GCH1: variants seen among roughly 807,000 people sequenced by gnomAD.
GCH1 encodes GTP cyclohydrolase 1, also known as GTP cyclohydrolase I.
A neutral mutation model predicts 25.9 loss-of-function variants in GCH1; 5 were observed. The ratio of observed to expected loss-of-function variants is 0.19; its 90% CI spans 0.10 to 0.41. The LOEUF (loss-of-function observed/expected upper bound fraction) is 0.41, where lower values mean the gene tolerates loss of function less well. Among genes scored for constraint, GCH1 ranks in the 10% least tolerant of loss-of-function variants. GCH1 has a pLI of 1.00. For synonymous variants in GCH1, 159 were observed against 129.6 expected (o/e 1.23, Z -1.54); for missense variants, 261 against 336.5 (o/e 0.78, Z 1.75).
intron 3 of GCH1, among the ~76,000 whole-genome samples, chr14:54,847,635 T>C (rs1238961592): frequency 6.6e-6 from 1 of 151,648 alleles, no homozygotes; most frequent in East Asian, 1.9e-4. Context: ...GACCCTGCGA[T>C]CATGTAAGTC....
chr14:54,877,575 C>T (rs1025962947), intron 1 of GCH1, among the ~76,000 whole-genome samples: 1 of 152,120 alleles, frequency 6.6e-6, no homozygotes, highest in Non-Finnish European at 1.5e-5. Context: ...CTCACTGCAA[C>T]CTCCACCTCC....
Position 54,886,484 on chromosome 14 carries a change from T to C in GCH1, c.343+15837A>G, listed in dbSNP as rs187033306. Among the ~76,000 whole-genome samples, 318 of 151,954 alleles carry C rather than the reference T, an allele frequency of 2.1e-3. 1 individual carries two copies. Among genetic ancestry groups the C allele is most frequent in the African/African-American group, 7.0e-3 (289 of 41,432 alleles). On this transcript the variant is annotated intron_variant, in intron 1 of 5. Coordinates refer to ENST00000491895, the MANE Select transcript of GCH1 (RefSeq NM_000161.3). ...AAAATTAGCCGGGCGCGGTGGTGGG[T>C]GCCTGTAGTCCCAGCTGCTCGGGGG...
Position 54,847,195 on chromosome 14 carries a change from T to C in GCH1, c.510-65A>G, listed in dbSNP as rs1555358614. On this transcript the variant is annotated intron_variant, in intron 3 of 5. Transcript: ENST00000491895. ...TTGAAGTAAAATTGATAAGCCTTCC[T>C]CATAAAACAAAAAGGACATTGTTGA... 1.2e-5 allele frequency: 8 copies of C among 671,174 alleles called. No homozygotes were observed. In the South Asian group the frequency reaches 1.3e-4, roughly 11 times the overall value. The allele number at this position is 671,174 out of a possible 1,614,324, so 41.6% of individuals were successfully genotyped here. A position where few individuals can be genotyped will look rare whatever the true frequency, so the allele number is the denominator to read the frequency against.
chr14:54,902,196 T>C (rs2040576487), intron 1 of GCH1, 125 bp downstream of exon 1: 1 of 1,069,400 alleles, frequency 9.4e-7, no homozygotes. Flanking sequence ...GGTTCGGAGG[T>C]GACAGCGCCC....
In GCH1 at chr14:54,898,134, CT is replaced by C. The variant is rs1344898624; in HGVS notation, c.343+4186del. On this transcript the variant is annotated intron_variant, in intron 1 of 5. Coordinates refer to ENST00000491895, the MANE Select transcript of GCH1 (RefSeq NM_000161.3). ...ATAGCTCATGCCTGTAATCCCAGCA[CT>C]TTGGGAGACCAAGAGGAGAGGATCA... 2.6e-5 allele frequency among the ~76,000 whole-genome samples: 4 copies of C among 152,176 alleles called. No homozygotes were observed. In the South Asian group the frequency reaches 8.3e-4, roughly 31 times the overall value.
intron 1 of GCH1, among the ~76,000 whole-genome samples, chr14:54,887,177 A>G (rs952384002): frequency 6.6e-6 from 1 of 152,236 alleles, no homozygotes; most frequent in African/African-American, 2.4e-5. Flanking sequence ...CAAACTAATA[A>G]AACATTTTTT....
At chr14:54,849,043 T>C (rs1233829955) in intron 3 of GCH1, among the ~76,000 whole-genome samples, 1 of 152,230 alleles carries the variant, frequency 6.6e-6, no homozygotes, top group African/African-American at 2.4e-5. Flanking sequence ...TGGACAATAG[T>C]GGTAACACTG....
rs533276731 is a variant in GCH1, at chr14:54,897,508, C to T, written c.343+4813G>A. 2.6e-4 allele frequency among the ~76,000 whole-genome samples: 40 copies of T among 152,002 alleles called. No individual in the cohort carries two copies. In the South Asian group the frequency reaches 7.7e-3, roughly 29 times the overall value. ...TTCTCCATGTTAGTCAGGTTGGTCT[C>T]GAACTCCCAACCTCAGGTGATCCAC... On this transcript the variant is annotated intron_variant, in intron 1 of 5. Coordinates refer to ENST00000491895, the MANE Select transcript of GCH1 (RefSeq NM_000161.3).
intron 1 of GCH1, among the ~76,000 whole-genome samples, chr14:54,891,298 G>T (rs1164037850): frequency 6.6e-6 from 1 of 151,090 alleles, no homozygotes; most frequent in Non-Finnish European, 1.5e-5. Context: ...AGAGATGGGG[G>T]TTTCACCATG....
At position 54,843,032 on chromosome 14, in the gene GCH1, G is replaced by T; in HGVS notation, c.*985C>A. ...GTTCATTCTGTGCTCGTTCAGGTGC[G>T]TGGAAGCTATGGTTCTGCAGACCTG... On this transcript the variant is annotated 3_prime_UTR_variant, in exon 6 of 6. Coordinates refer to ENST00000491895, the MANE Select transcript of GCH1 (RefSeq NM_000161.3). 2 of 888,400 alleles carry T rather than the reference G, an allele frequency of 2.3e-6. No homozygotes were observed. The highest frequency in any genetic ancestry group is 4.8e-5 in the East Asian group (2 of 41,666). 55.0% of individuals were successfully genotyped at this position (888,400 alleles called of 1,614,324 possible). A position where few individuals can be genotyped will look rare whatever the true frequency, so the allele number is the denominator to read the frequency against.
intron 1 of GCH1, among the ~76,000 whole-genome samples, chr14:54,882,208 G>A (rs577678311): frequency 7.9e-5 from 12 of 152,376 alleles, no homozygotes; most frequent in Middle Eastern, 3.4e-3. Flanking sequence ...AAAGAGTCCA[G>A]AGCTCAAGGG....
rs754924703 is a variant in GCH1 at position 54,902,314 on chromosome 14, C to A, written c.343+7G>T. ...CGCACGCTCTAGCAGCCCGCGGGCG[C>A]ACTGACCTGAGATGGTCTCCTGGTA... is the stretch of plus-strand genomic sequence containing the variant. On this transcript the variant is annotated splice_region_variant and intron_variant, in intron 1 of 5. Coordinates refer to ENST00000491895, the MANE Select transcript of GCH1 (RefSeq NM_000161.3). 3.1e-6 allele frequency: 5 copies of A among 1,611,658 alleles called. No homozygotes were observed. The highest frequency in any genetic ancestry group is 1.7e-5 in the Admixed American group (1 of 59,946).
rs1293151915 is a variant in GCH1, at chr14:54,902,672, C to T, written c.-9G>A. On this transcript the variant is annotated 5_prime_UTR_variant, in exon 1 of 6. Transcript: ENST00000491895. ...ACAGGGCCCTTCTCCATGGACCCGC[C>T]GCAGCCGCTGCCGTTCGGGAAGGAC... The T allele has an allele frequency of 3.5e-6, 5 of 1,442,330 alleles. No individual in the cohort carries two copies. The South Asian group carries it at 7.0e-5, about 20-fold the overall frequency. The allele number at this position is 1,442,330 out of a possible 1,614,324, so 89.3% of individuals were successfully genotyped here.
chr14:54,898,003 A>G (rs1253058917), intron 1 of GCH1, among the ~76,000 whole-genome samples: 1 of 152,230 alleles, frequency 6.6e-6, no homozygotes, highest in Non-Finnish European at 1.5e-5. Flanking sequence ...GGTAGAGCCT[A>G]TTATTCCTAG....
chr14:54,868,301 T>C (rs578046847), intron 1 of GCH1, among the ~76,000 whole-genome samples: 10 of 152,094 alleles, frequency 6.6e-5, no homozygotes, highest in African/African-American at 2.2e-4. Flanking sequence ...CCTATAGTCA[T>C]AGCTATTCAG....
chr14:54,902,587 T>A lies in GCH1; in HGVS notation c.77A>T (p.Asp26Val). The change falls in exon 1 of 6, where the codon GAT becomes GTT. Residue 26 changes from aspartate to valine, a missense_variant. Physicochemically the swap from Asp to Val is radical, Grantham distance 152. Around this residue, in one of 3 missense-constraint regions of GCH1, gnomAD observed 125 missense variants for 128.7 expected, o/e 0.97. Transcript: ENST00000491895. ...CCTGCTGGGCCCGGGCCGCGGCGGA[T>A]CCCGCTCGGGGAACCCATTGCTGCA... is the stretch of plus-strand genomic sequence containing the variant. ...ARCSNGFPER[D>V]PPRPGPSRPA... The A allele has an allele frequency of 6.7e-7, 1 of 1,495,702 alleles. No individual in the cohort carries two copies. The highest frequency in any genetic ancestry group is 2.8e-5 in the East Asian group (1 of 35,974). The allele number at this position is 1,495,702 out of a possible 1,614,324, so 92.7% of individuals were successfully genotyped here.
chr14:54,878,895 C>T (rs2040201768), intron 1 of GCH1, among the ~76,000 whole-genome samples: 1 of 152,138 alleles, frequency 6.6e-6, no homozygotes, highest in South Asian at 2.1e-4. Flanking sequence ...TCCCCAGTAG[C>T]TGGGACTAGA....
intron 2 of GCH1, among the ~76,000 whole-genome samples, chr14:54,863,236 C>T (rs111317596): frequency 1.3e-5 from 2 of 151,160 alleles, no homozygotes; most frequent in African/African-American, 2.4e-5. Flanking sequence ...TGGCTAACAC[C>T]GTGAAACCCC....
chr14:54,851,976 G>A (rs1262795384), intron 3 of GCH1, among the ~76,000 whole-genome samples: 1 of 152,214 alleles, frequency 6.6e-6, no homozygotes, highest in Non-Finnish European at 1.5e-5. Flanking sequence ...TTTTAGTAGA[G>A]ATGGTGTTTC....
Sources: allele counts gnomAD v4.1 joint callset (sites outside exome capture counted in the v4.1 genomes callset), GRCh38; gene constraint gnomAD v4.1.1; regional missense constraint gnomAD v4.1.1; transcripts MANE v1.5; gene names NCBI Gene and HGNC (gene_info 2026-07-23, HGNC 2026-07-21).